Variants in VPS13B observed in about 807,000 individuals in gnomAD.
VPS13B encodes intermembrane lipid transfer protein VPS13B.
Under a neutral mutation model 426.4 loss-of-function variants are expected in VPS13B, and 285 were observed. That is an observed-to-expected ratio of 0.67 (90% CI 0.61 to 0.74). VPS13B has a LOEUF of 0.74. Ranked by LOEUF, VPS13B falls within the 30% of genes least tolerant of loss-of-function variation. VPS13B has a pLI of 0.00. For missense variants in VPS13B, 4,537 were observed against 4,782.6 expected, an observed-to-expected ratio of 0.95 and a Z score of 1.51; for synonymous variants, 1,676 against 1,676.4, an observed-to-expected ratio of 1.00 and a Z score of 0.01.
intron 35 of VPS13B, among the ~76,000 whole-genome samples, chr8:99,663,074 T>C (rs907582863): frequency 6.6e-6 from 1 of 152,002 alleles, no homozygotes; most frequent in African/African-American, 2.4e-5. Context: ...AAGAAAAGAA[T>C]TTAAAGCAAT....
intron 2 of VPS13B, 148 bp downstream of exon 2, chr8:99,014,083 TTTACACTA>T: frequency 1.3e-6 from 1 of 798,372 alleles, no homozygotes; most frequent in Non-Finnish European, 1.9e-6. Context: ...GGGGCTTTAT[TTTACACTA>T]TTTTCTTTTT....
At chr8:99,501,574 T>C in intron 25 of VPS13B, 113 bp from the exon 26 acceptor site, 1 of 1,025,180 alleles carries the variant, frequency 9.8e-7, no homozygotes, top group Non-Finnish European at 1.4e-6. Flanking sequence ...ATCATTTGCA[T>C]GTAAGATGTG....
chr8:99,217,285 G>A (rs567902528), intron 17 of VPS13B, among the ~76,000 whole-genome samples: 1 of 152,258 alleles, frequency 6.6e-6, no homozygotes, highest in South Asian at 2.1e-4. Flanking sequence ...GAATAGCCCT[G>A]TTGTTAGATA....
At chr8:99,807,976 G>A (rs1011941195) in intron 43 of VPS13B, among the ~76,000 whole-genome samples, 1 of 150,624 alleles carries the variant, frequency 6.6e-6, no homozygotes, top group Non-Finnish European at 1.5e-5. Flanking sequence ...TCCTCCTAAG[G>A]CTGAAACTAA....
intron 19 of VPS13B, among the ~76,000 whole-genome samples, chr8:99,348,886 T>C (rs1464264982): frequency 1.3e-5 from 2 of 152,160 alleles, no homozygotes; most frequent in African/African-American, 2.4e-5. Flanking sequence ...TTTTGTAGCA[T>C]GAAAACATGC....
chr8:99,335,630 A>C (rs1448477045), intron 19 of VPS13B, among the ~76,000 whole-genome samples: 1 of 152,132 alleles, frequency 6.6e-6, no homozygotes, highest in Non-Finnish European at 1.5e-5. Context: ...GTCTCAGCCC[A>C]AAATCTCCTT....
intron 19 of VPS13B, among the ~76,000 whole-genome samples, chr8:99,296,128 G>A (rs1003967586): frequency 1.3e-5 from 2 of 152,120 alleles, no homozygotes; most frequent in African/African-American, 4.8e-5. Context: ...CTGAACCATT[G>A]TAAGTTGGGG....
At chr8:99,115,354 T>C (rs968672394) in intron 6 of VPS13B, among the ~76,000 whole-genome samples, 56 of 152,226 alleles carry the variant, frequency 3.7e-4, no homozygotes, top group African/African-American at 1.3e-3. Flanking sequence ...AGGATAATAC[T>C]GTTATTCTCT....
chr8:99,549,578 AC>A (rs1383592771), intron 30 of VPS13B, among the ~76,000 whole-genome samples: 3 of 152,074 alleles, frequency 2.0e-5, no homozygotes, highest in African/African-American at 7.2e-5. Context: ...TTGTGCTACT[AC>A]AGAATTTATG....
At chr8:99,633,774 T>C (rs1290170091) in intron 33 of VPS13B, among the ~76,000 whole-genome samples, 1 of 150,432 alleles carries the variant, frequency 6.6e-6, no homozygotes, top group African/African-American at 2.5e-5. Flanking sequence ...GGCATCTGTT[T>C]TGATTAAGGT....
At chr8:99,019,204 ATTT>A (rs34569117) in intron 2 of VPS13B, among the ~76,000 whole-genome samples, 5 of 128,800 alleles carry the variant, frequency 3.9e-5, no homozygotes, top group Admixed American at 7.8e-5. Context: ...CATCTTAAAC[ATTT>A]TTTTTTTTTT....
intron 33 of VPS13B, among the ~76,000 whole-genome samples, chr8:99,631,671 A>G (rs1255217613): frequency 6.6e-6 from 1 of 151,854 alleles, no homozygotes; most frequent in East Asian, 1.9e-4. Context: ...TCTTTCTCTC[A>G]TAATACTAAA....
Position 99,274,310 on chromosome 8 carries a change from A to G in VPS13B, c.2628A>G (p.Ile876Met), listed in dbSNP as rs1198845715. 8 of 1,614,026 alleles carry G rather than the reference A, an allele frequency of 5.0e-6. No homozygotes were observed. The highest frequency in any genetic ancestry group is 2.7e-5 in the African/African-American group (2 of 74,932). The change falls in exon 18 of 62, where the codon ATA becomes ATG. Residue 876 changes from isoleucine (I) to methionine (M), a missense_variant. By Grantham distance (10) the Ile-to-Met change is conservative (BLOSUM62 1). This residue lies in a region of VPS13B where 4,311 missense variants were observed against 4,474.3 expected (regional missense o/e 0.96). Coordinates refer to ENST00000357162, the MANE Select transcript of VPS13B (RefSeq NM_152564.5). Reference sequence around the variant, plus strand: ...GTGCCTCTGGGACCATGGGATCAATAAAAATTTGTGCCAAAGCCCCAGGTA... The same window carrying G: ...GTGCCTCTGGGACCATGGGATCAATGAAAATTTGTGCCAAAGCCCCAGGTA... Reference protein sequence around the residue: ...VKCASGTMGSIKICAKAPVDS... With the variant: ...VKCASGTMGSMKICAKAPVDS...
chr8:99,022,005 T>C (rs1456162644), intron 2 of VPS13B, among the ~76,000 whole-genome samples: 1 of 152,214 alleles, frequency 6.6e-6, no homozygotes, highest in East Asian at 1.9e-4. Flanking sequence ...TCGTAATTTG[T>C]ATTTTTTTCA....
At chr8:99,043,342 TTAA>T (rs754574976) in intron 3 of VPS13B, among the ~76,000 whole-genome samples, 23 of 152,150 alleles carry the variant, frequency 1.5e-4, no homozygotes, top group Non-Finnish European at 8.8e-5. Context: ...TGGTAGACTA[TTAA>T]TAATCAGTCT....
intron 2 of VPS13B, among the ~76,000 whole-genome samples, chr8:99,029,965 T>C (rs1168975401): frequency 2.0e-5 from 3 of 152,216 alleles, no homozygotes; most frequent in African/African-American, 7.2e-5. Context: ...TTGACTATAA[T>C]GTATCCTGAG....
At chr8:99,214,739 T>C (rs1815292608) in intron 17 of VPS13B, among the ~76,000 whole-genome samples, 1 of 152,188 alleles carries the variant, frequency 6.6e-6, no homozygotes, top group African/African-American at 2.4e-5. Context: ...GGCAATTCCA[T>C]AATTTCTTTT....
intron 19 of VPS13B, among the ~76,000 whole-genome samples, chr8:99,381,476 G>A (rs113225486): frequency 4.8e-4 from 73 of 152,182 alleles, no homozygotes; most frequent in African/African-American, 1.7e-3. Context: ...TTGAGGAATC[G>A]CCACACTGTT....
intron 19 of VPS13B, among the ~76,000 whole-genome samples, chr8:99,275,952 T>G (rs1374700053): frequency 1.3e-5 from 2 of 152,182 alleles, no homozygotes; most frequent in Admixed American, 1.3e-4. Context: ...ACATTTGTTT[T>G]AAAAGATACG....
Sources: gnomAD v4.1 joint callset for allele counts (sites outside exome capture counted in the v4.1 genomes callset) on GRCh38, gnomAD v4.1.1 for gene constraint, gnomAD v4.1.1 regional missense constraint, MANE v1.5 for transcripts, NCBI Gene and HGNC (gene_info 2026-07-23, HGNC 2026-07-21) for gene names.